The following UGT3A1 variants were observed in gnomAD, a reference collection of about 807,000 sequenced individuals.
UGT3A1 encodes UDP-glycosyltransferase 3A1.
A neutral mutation model predicts 37.6 loss-of-function variants in UGT3A1; 40 were observed. That is an observed-to-expected ratio of 1.06 (90% CI 0.83 to 1.38). The LOEUF (loss-of-function observed/expected upper bound fraction) is 1.38, where lower values mean the gene tolerates loss of function less well. Among genes scored for constraint, UGT3A1 ranks in the 40% most tolerant of loss-of-function variants. The probability of loss-of-function intolerance (pLI) is 0.00; values close to 1 mark genes in which losing one functional copy is unlikely to be tolerated. For synonymous variants in UGT3A1, 256 were observed against 232.3 expected, an observed-to-expected ratio of 1.10 and a Z score of -0.93; for missense variants, 642 against 634.2, an observed-to-expected ratio of 1.01 and a Z score of -0.13.
chr5:35,954,088 AG>A lies in UGT3A1; in HGVS notation c.*113del. On this transcript the variant is annotated 3_prime_UTR_variant, in exon 7 of 7. Coordinates refer to ENST00000274278, the MANE Select transcript of UGT3A1 (RefSeq NM_152404.4). ...CAGAGAATAGAAAGAAGCAAGTTGC[AG>A]GATCAGTGGCAGGTGGAGCTGAAGA... 1.7e-6 allele frequency: 2 copies of A among 1,148,380 alleles called. No homozygotes were observed. Among genetic ancestry groups the A allele is most frequent in the Non-Finnish European group, 2.5e-6 (2 of 805,288 alleles). 71.1% of individuals were successfully genotyped at this position (1,148,380 alleles called of 1,614,324 possible).
chr5:35,958,543 C>T (rs546487240), intron 4 of UGT3A1, among the ~76,000 whole-genome samples: 1 of 148,064 alleles, frequency 6.8e-6, no homozygotes, highest in South Asian at 2.2e-4. Flanking sequence ...AGAAGCAGAG[C>T]AATAATGTTA....
chr5:35,998,975 G>A (rs1456391776), intron 1 of UGT3A1, among the ~76,000 whole-genome samples: 9 of 152,100 alleles, frequency 5.9e-5, no homozygotes, highest in South Asian at 2.1e-4. Context: ...GGTGGCTCAC[G>A]CCTGTAATCC....
At chr5:35,977,088 AAG>A (rs1554073861) in intron 2 of UGT3A1, among the ~76,000 whole-genome samples, 2 of 78,390 alleles carry the variant, frequency 2.6e-5, no homozygotes. Context: ...GAAAGAAAGA[AAG>A]AGAAAGAAAG....
At chr5:35,955,235 T>A (rs914540975) in intron 6 of UGT3A1, 82 of 274,954 alleles carry the variant, frequency 3.0e-4, no homozygotes, top group South Asian at 4.2e-4. Context: ...CCAAATGTCA[T>A]GAAGGAGCCA....
intron 2 of UGT3A1, among the ~76,000 whole-genome samples, chr5:35,974,748 T>C (rs1332519113): frequency 2.6e-5 from 4 of 152,172 alleles, no homozygotes; most frequent in Admixed American, 2.6e-4. Flanking sequence ...GTTAGTCAAG[T>C]CCATCAAAGA....
chr5:35,960,744 C>A (rs1416720790), intron 4 of UGT3A1: 1 of 152,198 alleles, frequency 6.6e-6, no homozygotes, highest in Admixed American at 6.5e-5. Flanking sequence ...CCAGGTCACA[C>A]ATAGACTTGA....
intron 1 of UGT3A1, among the ~76,000 whole-genome samples, chr5:35,990,070 C>T (rs1740877978): frequency 1.4e-5 from 2 of 146,898 alleles, no homozygotes; most frequent in African/African-American, 2.6e-5. Context: ...TCAGCCTGGG[C>T]GACAGAGCAA....
intron 4 of UGT3A1, among the ~76,000 whole-genome samples, chr5:35,958,234 CA>C (rs1428708669): frequency 2.0e-5 from 3 of 152,140 alleles, no homozygotes; most frequent in Admixed American, 6.5e-5. Flanking sequence ...CTGATATTTG[CA>C]TAGCTACCTA....
intron 2 of UGT3A1, among the ~76,000 whole-genome samples, chr5:35,978,075 C>T (rs1740366581): frequency 1.3e-5 from 2 of 152,170 alleles, no homozygotes; most frequent in African/African-American, 4.8e-5. Flanking sequence ...CACTTTGTCA[C>T]CCAGGCTGGA....
Position 35,957,217 on chromosome 5 carries a change from A to T in UGT3A1, c.1046T>A (p.Val349Glu), listed in dbSNP as rs1404811926. ...GAGGTCACTCTGAGGAAGCCAGTCC[A>T]CAATTTTCACATTTGTGGCCAAATG... is the stretch of plus-strand genomic sequence containing the variant. ...DVHLATNVKI[V>E]DWLPQSDLLA... Residue 349 changes from valine (V) to glutamate (E), a missense_variant, in exon 5 of 7, where the codon GTG becomes GAG. Physicochemically the swap from Val to Glu is moderately radical, Grantham distance 121. Coordinates refer to ENST00000274278, the MANE Select transcript of UGT3A1 (RefSeq NM_152404.4). 1.2e-6 allele frequency: 2 copies of T among 1,614,192 alleles called. No homozygotes were observed. The highest frequency in any genetic ancestry group is 1.3e-5 in the African/African-American group (1 of 75,052).
chr5:35,955,588 C>G, intron 6 of UGT3A1, 57 bp downstream of exon 6: 1 of 1,570,464 alleles, frequency 6.4e-7, no homozygotes, highest in African/African-American at 1.4e-5. Context: ...CACAGTATCC[C>G]TTGTGTTTTC....
At chr5:36,000,221 G>A (rs1319107734) in intron 1 of UGT3A1, among the ~76,000 whole-genome samples, 8 of 152,130 alleles carry the variant, frequency 5.3e-5, no homozygotes, top group African/African-American at 1.9e-4. Context: ...TATGAAATTA[G>A]AACAGGAAGG....
chr5:35,993,109 TA>T (rs1740999750), upstream of UGT3A1, among the ~76,000 whole-genome samples: 1 of 152,188 alleles, frequency 6.6e-6, no homozygotes, highest in Non-Finnish European at 1.5e-5. Context: ...TTATCTTATG[TA>T]AAAATGCAGA....
chr5:35,991,029 C>T, intron 1 of UGT3A1, 118 bp downstream of exon 1: 3 of 1,604,184 alleles, frequency 1.9e-6, no homozygotes, highest in Non-Finnish European at 2.6e-6. Context: ...CAGCCAGGTC[C>T]GCAAGCCCAG....
chr5:35,998,803 T>G (rs1741153270), intron 1 of UGT3A1, among the ~76,000 whole-genome samples: 1 of 152,176 alleles, frequency 6.6e-6, no homozygotes, highest in Non-Finnish European at 1.5e-5. Context: ...CCAAATTGAT[T>G]GCCCTAACTG....
At chr5:35,959,651 G>C (rs555848880) in intron 4 of UGT3A1, among the ~76,000 whole-genome samples, 24 of 152,040 alleles carry the variant, frequency 1.6e-4, no homozygotes, top group African/African-American at 5.5e-4. Context: ...AAGAAAAAAA[G>C]AATGAACAAA....
chr5:35,973,358 A>G (rs529357889), intron 2 of UGT3A1, among the ~76,000 whole-genome samples: 2 of 152,258 alleles, frequency 1.3e-5, no homozygotes, highest in East Asian at 1.9e-4. Context: ...TGTGTAGAAG[A>G]GTATGTGAGG....
rs1220014934 is a variant in UGT3A1, at chr5:35,968,024, A to T, written c.306T>A (p.Asp102Glu). The T allele has an allele frequency of 5.6e-6, 9 of 1,610,822 alleles. No individual in the cohort carries two copies. In the Admixed American group the frequency reaches 1.5e-4, roughly 27 times the overall value. Residue 102 changes from aspartate (D) to glutamate (E), a missense_variant, in exon 3 of 7, where the codon GAT becomes GAA. By Grantham distance (45) the Asp-to-Glu change is conservative. Coordinates refer to ENST00000274278, the MANE Select transcript of UGT3A1 (RefSeq NM_152404.4). ...HFDSYIETAL[D>E]GRKESEALVK... The stretch of plus-strand genomic sequence containing the variant: ...ATAGAATGAAAAGAAGTTACCTGCC[A>T]TCCAATGCTGTTTCTATGTAGCTAT...
At chr5:35,993,115 T>C (rs1228003954), upstream of UGT3A1, among the ~76,000 whole-genome samples, 2 of 152,160 alleles carry the variant, frequency 1.3e-5, no homozygotes, top group African/African-American at 4.8e-5. Flanking sequence ...TATGTAAAAA[T>C]GCAGATTCCC....
Sources: allele counts gnomAD v4.1 joint callset (sites outside exome capture counted in the v4.1 genomes callset), GRCh38; gene constraint gnomAD v4.1.1; transcripts MANE v1.5; gene names NCBI Gene and HGNC (gene_info 2026-07-23, HGNC 2026-07-21).